The following MALRD1 variants were observed in gnomAD, a reference collection of about 807,000 sequenced individuals.
MALRD1 encodes the protein MAM and LDL receptor class A domain containing 1.
A neutral mutation model predicts 242.1 loss-of-function variants in MALRD1; 247 were observed. That is an observed-to-expected ratio of 1.02 (90% CI 0.92 to 1.13). MALRD1 has a LOEUF of 1.13. Among genes scored for constraint, MALRD1 ranks in the 50% most tolerant of loss-of-function variants. The pLI is 0.00. For synonymous variants in MALRD1, 995 were observed against 866.6 expected, an observed-to-expected ratio of 1.15 and a Z score of -2.60; for missense variants, 2,989 against 2,533.1, an observed-to-expected ratio of 1.18 and a Z score of -3.86.
chr10:19,323,471 G>T (rs1470109855), intron 21 of MALRD1, among the ~76,000 whole-genome samples: 1 of 152,112 alleles, frequency 6.6e-6, no homozygotes, highest in Non-Finnish European at 1.5e-5. Flanking sequence ...AGGACTATGG[G>T]TTCAAAATCA....
At chr10:19,686,523 A>G (rs1224538850) in intron 36 of MALRD1, among the ~76,000 whole-genome samples, 2 of 152,168 alleles carry the variant, frequency 1.3e-5, no homozygotes, top group Non-Finnish European at 2.9e-5. Context: ...CTGAGATCTT[A>G]TTAGGAAGCT....
At chr10:19,655,251 G>C (rs1471242627) in intron 36 of MALRD1, among the ~76,000 whole-genome samples, 2 of 151,890 alleles carry the variant, frequency 1.3e-5, no homozygotes, top group African/African-American at 4.8e-5. Flanking sequence ...GCAAATTGGA[G>C]ACTTTTTAAA....
chr10:19,368,403 C>A (rs975154240), intron 26 of MALRD1, among the ~76,000 whole-genome samples: 1 of 151,898 alleles, frequency 6.6e-6, no homozygotes. Context: ...ATTCTTGGTG[C>A]CTTTGTCAAA....
intron 39 of MALRD1, among the ~76,000 whole-genome samples, chr10:19,733,021 T>C (rs952912780): frequency 2.0e-5 from 3 of 152,250 alleles, no homozygotes; most frequent in African/African-American, 7.2e-5. Context: ...TTTTGATTTC[T>C]ATTGTTTCAG....
intron 18 of MALRD1, among the ~76,000 whole-genome samples, chr10:19,224,284 CTTTT>C (rs377702801): frequency 2.9e-5 from 4 of 136,342 alleles, no homozygotes; most frequent in African/African-American, 1.1e-4. Context: ...GGATGATGAG[CTTTT>C]TTTTTTTTTT....
chr10:19,733,887 C>G (rs550674256), intron 39 of MALRD1, among the ~76,000 whole-genome samples: 2 of 151,868 alleles, frequency 1.3e-5, no homozygotes, highest in East Asian at 3.9e-4. Context: ...AAGCAGTAGT[C>G]GAAATATTGG....
intron 28 of MALRD1, among the ~76,000 whole-genome samples, chr10:19,403,431 A>C (rs1022043286): frequency 2.0e-5 from 3 of 152,166 alleles, no homozygotes; most frequent in Non-Finnish European, 4.4e-5. Context: ...TCCATTCACA[A>C]TGTGGCATTT....
chr10:19,148,618 G>C (rs903372091), intron 11 of MALRD1, among the ~76,000 whole-genome samples: 2 of 151,342 alleles, frequency 1.3e-5, no homozygotes, highest in Non-Finnish European at 2.9e-5. Flanking sequence ...GATTCTAATA[G>C]AGCCCCTGTG....
At chr10:19,510,640 T>A (rs1833358128) in intron 31 of MALRD1, among the ~76,000 whole-genome samples, 1 of 152,146 alleles carries the variant, frequency 6.6e-6, no homozygotes, top group Non-Finnish European at 1.5e-5. Flanking sequence ...GAGGGTAGGG[T>A]TACAGATTAA....
rs902911478 is a variant in MALRD1, at chr10:19,450,351, C to A, written c.4890C>A (p.Asn1630Lys). Reference sequence around the variant, plus strand: ...AAGTATGGCAAGAAAGTAAGCAGAACCCTGGTAATCATTGGCAAAAGGCTG... The same window carrying A: ...AAGTATGGCAAGAAAGTAAGCAGAAACCTGGTAATCATTGGCAAAAGGCTG... ...LSKVWQESKQ[N>K]PGNHWQKADI... The change falls in exon 29 of 40, where the codon AAC becomes AAA. Residue 1630 changes from asparagine to lysine, a missense_variant. Asn to Lys is a moderately conservative substitution (Grantham distance 94). Transcript: ENST00000454679. The A allele has an allele frequency of 1.3e-6, 2 of 1,549,260 alleles. No homozygotes were observed. Among genetic ancestry groups the A allele is most frequent in the African/African-American group, 2.7e-5 (2 of 72,980 alleles).
chr10:19,351,274 C>G (rs954276386), intron 25 of MALRD1, among the ~76,000 whole-genome samples: 1 of 152,174 alleles, frequency 6.6e-6, no homozygotes, highest in African/African-American at 2.4e-5. Context: ...CCTAACCTGT[C>G]CTGTTCTTTT....
intron 25 of MALRD1, among the ~76,000 whole-genome samples, chr10:19,349,513 T>C (rs1398607256): frequency 6.6e-6 from 1 of 152,212 alleles, no homozygotes; most frequent in African/African-American, 2.4e-5. Flanking sequence ...GGTGAGAGTT[T>C]CAGTGACAGA....
intron 29 of MALRD1, among the ~76,000 whole-genome samples, chr10:19,484,457 A>G (rs1837155503): frequency 6.6e-6 from 1 of 152,208 alleles, no homozygotes; most frequent in African/African-American, 2.4e-5. Flanking sequence ...ACAATATGCA[A>G]TTAGCATAAA....
intron 13 of MALRD1, among the ~76,000 whole-genome samples, chr10:19,174,542 TTCTC>T (rs140031809): frequency 2.7e-4 from 40 of 150,624 alleles, no homozygotes; most frequent in Admixed American, 5.3e-4. Context: ...TTTCCCTCCT[TTCTC>T]TCTCTCTCTC....
intron 38 of MALRD1, among the ~76,000 whole-genome samples, chr10:19,704,993 A>C (rs1280606989): frequency 3.3e-5 from 5 of 152,160 alleles, no homozygotes; most frequent in African/African-American, 1.2e-4. Context: ...CAAAAAAAGA[A>C]AGAAAGGTGA....
At chr10:19,364,490 T>C (rs2130718614) in intron 26 of MALRD1, among the ~76,000 whole-genome samples, 1 of 152,242 alleles carries the variant, frequency 6.6e-6, no homozygotes, top group East Asian at 1.9e-4. Context: ...AAACTTAATC[T>C]TTACTGAAAT....
At chr10:19,278,100 T>G (rs944030710) in intron 19 of MALRD1, among the ~76,000 whole-genome samples, 1 of 152,346 alleles carries the variant, frequency 6.6e-6, no homozygotes, top group Non-Finnish European at 1.5e-5. Context: ...TTATGGTAAC[T>G]GTCTGCTCTC....
Position 19,097,539 on chromosome 10 carries a change from T to G in MALRD1, c.598-6440T>G, listed in dbSNP as rs116764581. On this transcript the variant is annotated intron_variant, in intron 4 of 39. Transcript: ENST00000454679. ...CTAAAATGTTCAAGGAGACAAAGAA[T>G]AAAACGAACTAAACATACAGTAGAA... 2.8e-3 allele frequency among the ~76,000 whole-genome samples: 429 copies of G among 152,298 alleles called. 3 individuals are homozygous for G. The highest frequency in any genetic ancestry group is 9.7e-3 in the African/African-American group (405 of 41,566).
At chr10:19,712,669 A>C (rs544464531) in intron 38 of MALRD1, among the ~76,000 whole-genome samples, 1 of 152,306 alleles carries the variant, frequency 6.6e-6, no homozygotes, top group South Asian at 2.1e-4. Flanking sequence ...AGAACCCAAT[A>C]AAAAATTATG....
Sources: gnomAD v4.1 joint callset for allele counts (sites outside exome capture counted in the v4.1 genomes callset) on GRCh38, gnomAD v4.1.1 for gene constraint, MANE v1.5 for transcripts, NCBI Gene and HGNC (gene_info 2026-07-23, HGNC 2026-07-21) for gene names.